The following UBE2G1 variants were observed in gnomAD, a reference collection of about 807,000 sequenced individuals.
UBE2G1 encodes the protein ubiquitin conjugating enzyme E2 G1, also known as ubiquitin-conjugating enzyme E2 G1.
Under a neutral mutation model 22.7 loss-of-function variants are expected in UBE2G1, and 5 were observed. That is an observed-to-expected ratio of 0.22 (90% CI 0.12 to 0.46). The LOEUF (loss-of-function observed/expected upper bound fraction) is 0.46. Among genes scored for constraint, UBE2G1 ranks in the 20% least tolerant of loss-of-function variants. UBE2G1 has a pLI of 0.99. For synonymous variants in UBE2G1, 74 were observed against 67.5 expected (o/e 1.10, Z -0.47); for missense variants, 88 against 203.9 (o/e 0.43, Z 3.46).
chr17:4,287,991 G>T (rs889318046), intron 4 of UBE2G1, among the ~76,000 whole-genome samples: 1 of 152,156 alleles, frequency 6.6e-6, no homozygotes, highest in South Asian at 2.1e-4. Context: ...ATTAACGACA[G>T]ACTTGTACTG....
chr17:4,359,870 A>C lies in UBE2G1; in HGVS notation c.46+6401T>G, dbSNP rs568526445. Among the ~76,000 whole-genome samples, 20 of 151,334 alleles carry C rather than the reference A, an allele frequency of 1.3e-4. 1 individual carries two copies. The highest frequency in any genetic ancestry group is 4.4e-4 in the African/African-American group (18 of 41,242). ...CCATCTCAAAAAAAAAAAAAAAACA[A>C]ACAAAAAAAAACTGCTGATTAACTC... On this transcript the variant is annotated intron_variant, in intron 1 of 5. Coordinates refer to ENST00000396981, the MANE Select transcript of UBE2G1 (RefSeq NM_003342.5).
chr17:4,282,674 G>A, intron 5 of UBE2G1, 124 bp downstream of exon 5: 1 of 655,346 alleles, frequency 1.5e-6, no homozygotes, highest in South Asian at 2.1e-5. Flanking sequence ...GAGACTACAG[G>A]ATAATACCAT....
rs1228017180 is a variant in UBE2G1 at position 4,289,128 on chromosome 17, C to CAG, written c.426+101_426+102insCT. On this transcript the variant is annotated intron_variant, in intron 4 of 5. Coordinates refer to ENST00000396981, the MANE Select transcript of UBE2G1 (RefSeq NM_003342.5). ...AGATACACACACACACACACACACA[C>CAG]ACGCATGCATACATTCATGCATACT... The CAG allele has an allele frequency of 8.0e-6, 7 of 876,852 alleles. No homozygotes were observed. The Admixed American group carries it at 2.4e-4, about 30-fold the overall frequency. The allele number at this position is 876,852 out of a possible 1,614,324, so 54.3% of individuals were successfully genotyped here.
chr17:4,316,938 T>TAA (rs33950725), intron 1 of UBE2G1, among the ~76,000 whole-genome samples: 43,414 of 133,820 alleles, frequency 0.32, 6,827 homozygotes, highest in Admixed American at 0.37. Flanking sequence ...GTCTCTTGAA[T>TAA]AAAAAAAAAA....
At chr17:4,338,078 G>A (rs897372276) in intron 1 of UBE2G1, among the ~76,000 whole-genome samples, 1 of 151,866 alleles carries the variant, frequency 6.6e-6, no homozygotes, top group Non-Finnish European at 1.5e-5. Context: ...GCTGAGGCAG[G>A]AGAACTGCTT....
chr17:4,331,668 T>C lies in UBE2G1; in HGVS notation c.47-24545A>G, dbSNP rs186593022. ...AAAAATAACTTTTTAATTTAAAGTA[T>C]ATTAAAAAGACCAGGTGGATTGCCC... is the stretch of plus-strand genomic sequence containing the variant. On this transcript the variant is annotated intron_variant, in intron 1 of 5. Transcript: ENST00000396981. 1.4e-3 allele frequency: 211 copies of C among 152,256 alleles called. 1 individual carries two copies. Among genetic ancestry groups the C allele is most frequent in the African/African-American group, 4.8e-3 (198 of 41,546 alleles). The allele number at this position is 152,256 out of a possible 1,614,324, so 9.4% of individuals were successfully genotyped here.
At position 4,347,469 on chromosome 17, in the gene UBE2G1, CTTTTTTTTTTT is replaced by C. The variant is rs34014821; in HGVS notation, c.46+18791_46+18801del. 1.5e-4 allele frequency among the ~76,000 whole-genome samples: 13 copies of C among 89,558 alleles called. No individual in the cohort carries two copies. The East Asian group carries it at 2.5e-3, about 17-fold the overall frequency. 58.8% of individuals were successfully genotyped at this position (89,558 alleles called of 152,430 possible). A position where few individuals can be genotyped will look rare whatever the true frequency, so the allele number is the denominator to read the frequency against. On this transcript the variant is annotated intron_variant, in intron 1 of 5. Transcript: ENST00000396981. ...TTCGGTAATTCTCACAGTATTTCTT[CTTTTTTTTTTT>C]TTTTTTTTTTTGGACATAGAGTCTC... is the stretch of plus-strand genomic sequence containing the variant.
chr17:4,290,618 C>T (rs995842936), intron 3 of UBE2G1, among the ~76,000 whole-genome samples: 7 of 149,610 alleles, frequency 4.7e-5, no homozygotes, highest in Non-Finnish European at 8.9e-5. Context: ...ACCATGGGCA[C>T]ATGGCATGAT....
chr17:4,302,249 C>A, intron 2 of UBE2G1: 2 of 471,178 alleles, frequency 4.2e-6, no homozygotes, highest in South Asian at 1.6e-5. Flanking sequence ...TCAGCTCCCA[C>A]ACCCCAGTAT....
intron 1 of UBE2G1, among the ~76,000 whole-genome samples, chr17:4,320,392 G>A (rs555151959): frequency 6.6e-6 from 1 of 152,200 alleles, no homozygotes; most frequent in South Asian, 2.1e-4. Flanking sequence ...TGCGATAAAT[G>A]TCTATCTATA....
intron 1 of UBE2G1, among the ~76,000 whole-genome samples, chr17:4,341,548 T>C (rs1384661423): frequency 6.6e-6 from 1 of 152,114 alleles, no homozygotes; most frequent in African/African-American, 2.4e-5. Flanking sequence ...CCCATCAGCA[T>C]CAAGCATGCC....
chr17:4,337,283 A>G (rs1325351539), intron 1 of UBE2G1, among the ~76,000 whole-genome samples: 2 of 150,516 alleles, frequency 1.3e-5, no homozygotes, highest in African/African-American at 4.9e-5. Flanking sequence ...CAAGGATGCA[A>G]TGAGTCGTGT....
intron 1 of UBE2G1, among the ~76,000 whole-genome samples, chr17:4,331,549 A>C (rs770351376): frequency 6.6e-6 from 1 of 152,218 alleles, no homozygotes; most frequent in Admixed American, 6.5e-5. Context: ...GCTTTGGCCT[A>C]ATCGTGTCTT....
rs140023180 is a variant in UBE2G1 at position 4,349,203 on chromosome 17, C to A, written c.46+17068G>T. 5.3e-3 allele frequency among the ~76,000 whole-genome samples: 807 copies of A among 152,132 alleles called. 9 individuals are homozygous for A. Among genetic ancestry groups the A allele is most frequent in the African/African-American group, 0.019 (774 of 41,488 alleles). On this transcript the variant is annotated intron_variant, in intron 1 of 5. Coordinates refer to ENST00000396981, the MANE Select transcript of UBE2G1 (RefSeq NM_003342.5). The stretch of plus-strand genomic sequence containing the variant: ...GATGTCGTGGCGCATGCGTGTAGTC[C>A]CAGCTACTCAGGATGCTGAGGCAGG...
intron 1 of UBE2G1, among the ~76,000 whole-genome samples, chr17:4,311,993 T>C (rs1164051805): frequency 6.7e-6 from 1 of 150,262 alleles, no homozygotes; most frequent in African/African-American, 2.5e-5. Context: ...CCGCCTGTAA[T>C]CCCGACACTT....
chr17:4,358,941 A>C (rs1969937012), intron 1 of UBE2G1, among the ~76,000 whole-genome samples: 2 of 152,254 alleles, frequency 1.3e-5, no homozygotes, highest in South Asian at 4.1e-4. Flanking sequence ...AACAAGAGCG[A>C]AACTCCATCT....
intron 1 of UBE2G1, among the ~76,000 whole-genome samples, chr17:4,323,233 TA>T (rs1969464127): frequency 6.6e-6 from 1 of 152,156 alleles, no homozygotes; most frequent in South Asian, 2.1e-4. Flanking sequence ...CTTTTATATT[TA>T]AAAAATTGAG....
rs1028757741 is a variant in UBE2G1, at chr17:4,272,153, T to C, written c.*401A>G. The C allele has an allele frequency of 3.9e-5, 6 of 152,592 alleles. No homozygotes were observed. Among genetic ancestry groups the C allele is most frequent in the African/African-American group, 1.4e-4 (6 of 41,446 alleles). 9.5% of individuals were successfully genotyped at this position (152,592 alleles called of 1,614,324 possible). On this transcript the variant is annotated 3_prime_UTR_variant, in exon 6 of 6. Transcript: ENST00000396981. ...ATCCTTTTAAACTGATAAGAAACAA[T>C]GAATAGGAAAGAAAACCTGCTAAAA...
At chr17:4,286,707 A>G (rs576657953) in intron 4 of UBE2G1, among the ~76,000 whole-genome samples, 1 of 152,262 alleles carries the variant, frequency 6.6e-6, no homozygotes, top group African/African-American at 2.4e-5. Flanking sequence ...TAATTTTTGC[A>G]TATTCATGGT....
Sources: allele counts gnomAD v4.1 joint callset (sites outside exome capture counted in the v4.1 genomes callset), GRCh38; gene constraint gnomAD v4.1.1; transcripts MANE v1.5; gene names NCBI Gene and HGNC (gene_info 2026-07-23, HGNC 2026-07-21).